Variants in POLR3A observed in about 807,000 individuals in gnomAD.
The protein encoded by POLR3A is RNA polymerase III subunit A.
POLR3A carries 112 observed loss-of-function variants against 152.8 expected under a neutral mutation model. The ratio of observed to expected loss-of-function variants is 0.73; its 90% CI spans 0.63 to 0.86. POLR3A has a LOEUF of 0.86. Ranked by LOEUF, POLR3A falls within the 40% of genes least tolerant of loss-of-function variation. The probability of loss-of-function intolerance (pLI) is 0.00; values close to 1 mark genes in which losing one functional copy is unlikely to be tolerated. For synonymous variants in POLR3A, 615 were observed against 652.1 expected (o/e 0.94, Z 0.87); for missense variants, 1,385 against 1,743.1 (o/e 0.79, Z 3.66).
rs775405769 is a variant in POLR3A at position 78,024,588 on chromosome 10, T to G, written c.606A>C (p.Glu202Asp). The G allele has an allele frequency of 1.2e-6, 2 of 1,614,054 alleles. No homozygotes were observed. The highest frequency in any genetic ancestry group is 1.7e-6 in the Non-Finnish European group (2 of 1,180,008). Residue 202 changes from glutamate (E) to aspartate (D), a missense_variant, in exon 5 of 31, where the codon GAA becomes GAC. By Grantham distance (45) the Glu-to-Asp change is conservative. Around this residue, in one of 7 missense-constraint regions of POLR3A, gnomAD observed 493 missense variants for 647.5 expected, o/e 0.76. Coordinates refer to ENST00000372371, the MANE Select transcript of POLR3A (RefSeq NM_007055.4). ...NFLQSFETAI[E>D]HNKEVEPLLG... ...GCAGAGGCTCCACTTCTTTATTATG[T>G]TCAATGGCTGTTTCAAAAGACTGAA...
In POLR3A at chr10:78,001,061, C is replaced by T; in HGVS notation, c.2393G>A (p.Cys798Tyr). Reference protein sequence around the residue: ...SFINISQMIACVGQQAISGSR... With the variant: ...SFINISQMIAYVGQQAISGSR... ...GCCACTGATGGCCTGCTGTCCCACA[C>T]AGGCAATCATCTGTGATATGTTAAT... Residue 798 changes from cysteine to tyrosine, a missense_variant, in exon 18 of 31, where the codon TGT becomes TAT. Transcript: ENST00000372371. The T allele has an allele frequency of 6.2e-7, 1 of 1,609,516 alleles. No individual in the cohort carries two copies. Among genetic ancestry groups the T allele is most frequent in the South Asian group, 1.1e-5 (1 of 90,956 alleles).
At chr10:78,015,834 T>A (rs1847518414) in intron 10 of POLR3A, among the ~76,000 whole-genome samples, 1 of 152,124 alleles carries the variant, frequency 6.6e-6, no homozygotes, top group Non-Finnish European at 1.5e-5. Context: ...AACCTAATAA[T>A]TATATTTTGT....
Position 78,009,985 on chromosome 10 carries a change from T to C in POLR3A, c.1649A>G (p.Tyr550Cys), listed in dbSNP as rs886047289. The C allele has an allele frequency of 3.7e-6, 6 of 1,614,012 alleles. No homozygotes were observed. In the East Asian group the frequency reaches 6.7e-5, roughly 18 times the overall value. Residue 550 changes from tyrosine (Y) to cysteine (C), a missense_variant, in exon 13 of 31, where the codon TAT becomes TGT. Tyr to Cys is a radical substitution (Grantham distance 194, BLOSUM62 -2). Coordinates refer to ENST00000372371, the MANE Select transcript of POLR3A (RefSeq NM_007055.4). ...AAIQDFLTGAYLLTLKDTFFD... is the reference protein window; with the variant it reads ...AAIQDFLTGACLLTLKDTFFD... ...GAAAGTGTCCTTGAGAGTGAGGAGATAGGCACCTAAGCATTAGGAACCAAC... is the reference window on the plus strand; with the variant it reads ...GAAAGTGTCCTTGAGAGTGAGGAGACAGGCACCTAAGCATTAGGAACCAAC...
At chr10:78,006,805 GAA>G (rs930877807) in intron 15 of POLR3A, among the ~76,000 whole-genome samples, 2 of 152,148 alleles carry the variant, frequency 1.3e-5, no homozygotes, top group African/African-American at 4.8e-5. Context: ...AGAGGATTCT[GAA>G]AGTTTCTAAA....
intron 24 of POLR3A, among the ~76,000 whole-genome samples, chr10:77,984,622 G>A (rs536618653): frequency 3.1e-4 from 47 of 152,340 alleles, no homozygotes; most frequent in African/African-American, 9.9e-4. Flanking sequence ...GATTACAGGC[G>A]TGAGCCATTG....
intron 10 of POLR3A, among the ~76,000 whole-genome samples, chr10:78,014,685 G>C (rs1269150988): frequency 6.6e-6 from 1 of 151,844 alleles, no homozygotes; most frequent in East Asian, 1.9e-4. Context: ...TTACAGGCTT[G>C]AGCCACCGCA....
intron 19 of POLR3A, 96 bp from the exon 20 acceptor site, chr10:77,993,463 G>C: frequency 1.1e-6 from 1 of 901,174 alleles, no homozygotes; most frequent in East Asian, 2.5e-5. Context: ...AAGGTTACAA[G>C]CACTTTAATC....
chr10:78,027,765 G>A (rs1232857626), intron 1 of POLR3A, among the ~76,000 whole-genome samples: 1 of 152,082 alleles, frequency 6.6e-6, no homozygotes, highest in Non-Finnish European at 1.5e-5. Context: ...TACCATATTG[G>A]CCAGTCTGGT....
At chr10:78,013,186 G>A (rs576854700) in intron 11 of POLR3A, 7 of 240,796 alleles carry the variant, frequency 2.9e-5, no homozygotes, top group East Asian at 2.0e-4. Flanking sequence ...CTAAGAAGAC[G>A]AAGTATGTAA....
rs573869627 is a variant in POLR3A, at chr10:77,985,134, G to A, written c.3242+36C>T. ...CATTGTTTCTCAGGAAACAGGACAG[G>A]CATGTGTGGAACAAGAAGGAAATGA... On this transcript the variant is annotated intron_variant, in intron 24 of 30. Transcript: ENST00000372371. 26 of 1,542,280 alleles carry A rather than the reference G, an allele frequency of 1.7e-5. No homozygotes were observed. The South Asian group carries it at 2.8e-4, about 17-fold the overall frequency.
chr10:78,004,509 C>G lies in POLR3A; in HGVS notation c.2247+207G>C, dbSNP rs111514127. On this transcript the variant is annotated intron_variant, in intron 16 of 30. Coordinates refer to ENST00000372371, the MANE Select transcript of POLR3A (RefSeq NM_007055.4). ...AAAGGCCCTACCCTCAGGAAACAAA[C>G]AAGGACACACACAGTGAGCCCAGGG... is the stretch of plus-strand genomic sequence containing the variant. Among the ~76,000 whole-genome samples, 6 of 152,262 alleles carry G rather than the reference C, an allele frequency of 3.9e-5. 1 individual carries two copies. Among genetic ancestry groups the G allele is most frequent in the African/African-American group, 1.4e-4 (6 of 41,540 alleles).
intron 5 of POLR3A, 136 bp from the exon 6 acceptor site, chr10:78,022,520 C>T (rs541010538): frequency 2.4e-5 from 21 of 865,826 alleles, no homozygotes; most frequent in African/African-American, 1.5e-4. Context: ...ATGGATGATA[C>T]GCTATGCTGC....
chr10:78,007,605 G>T, intron 15 of POLR3A, 97 bp downstream of exon 15: 1 of 973,236 alleles, frequency 1.0e-6, no homozygotes, highest in Non-Finnish European at 1.7e-6. Flanking sequence ...TATATGTGTG[G>T]TGGGGATGAA....
Position 78,024,540 on chromosome 10 carries a change from C to G in POLR3A, c.645+9G>C, listed in dbSNP as rs965871868. On this transcript the variant is annotated intron_variant, in intron 5 of 30. Coordinates refer to ENST00000372371, the MANE Select transcript of POLR3A (RefSeq NM_007055.4). Reference sequence around the variant, plus strand: ...CAGGCGGAAGGCAGGCGTGCATTCTCAGGCTCACCTGTGCCCTTCCCAGCA... The same window carrying G: ...CAGGCGGAAGGCAGGCGTGCATTCTGAGGCTCACCTGTGCCCTTCCCAGCA... 4 of 1,612,646 alleles carry G rather than the reference C, an allele frequency of 2.5e-6. No individual in the cohort carries two copies. Among genetic ancestry groups the G allele is most frequent in the Admixed American group, 3.3e-5 (2 of 59,964 alleles).
At chr10:78,025,178 G>A (rs766006262) in intron 3 of POLR3A, 36 bp from the exon 4 acceptor site, 1 of 1,609,594 alleles carries the variant, frequency 6.2e-7, no homozygotes, top group South Asian at 1.1e-5. Context: ...AAAAGCATAA[G>A]TGAGAATGAA....
At chr10:78,021,281 T>A (rs531551198) in intron 8 of POLR3A, among the ~76,000 whole-genome samples, 1 of 152,264 alleles carries the variant, frequency 6.6e-6, no homozygotes, top group African/African-American at 2.4e-5. Flanking sequence ...TGTTATTAAT[T>A]GGAAAAAAAG....
At position 78,007,743 on chromosome 10, in the gene POLR3A, T is replaced by C; in HGVS notation, c.2033A>G (p.Asp678Gly). ...CAGCCTGGCGAGCCGTGACATGGCATCTGCAGCTTCATTCTGTCCCCAGTC... is the reference window on the plus strand; with the variant it reads ...CAGCCTGGCGAGCCGTGACATGGCACCTGCAGCTTCATTCTGTCCCCAGTC... The part of the protein sequence containing the change: ...LRDWGQNEAA[D>G]AMSRLARLAP... Residue 678 changes from aspartate (D) to glycine (G), a missense_variant, in exon 15 of 31, where the codon GAT becomes GGT. Physicochemically the swap from Asp to Gly is moderately conservative, Grantham distance 94 (BLOSUM62 -1). Transcript: ENST00000372371. 6.2e-7 allele frequency: 1 copy of C among 1,614,134 alleles called. No homozygotes were observed. The highest frequency in any genetic ancestry group is 8.5e-7 in the Non-Finnish European group (1 of 1,179,982).
intron 21 of POLR3A, among the ~76,000 whole-genome samples, chr10:77,989,343 C>T (rs1847225961): frequency 6.6e-6 from 1 of 152,160 alleles, no homozygotes; most frequent in South Asian, 2.1e-4. Context: ...TCTGTCACCT[C>T]AGCTCTGATA....
intron 7 of POLR3A, 32 bp downstream of exon 7, chr10:78,021,828 G>A (rs758147113): frequency 6.2e-7 from 1 of 1,612,626 alleles, no homozygotes; most frequent in South Asian, 1.1e-5. Context: ...AAGAGAGTGG[G>A]CTGGCTTCTG....
Sources: gnomAD v4.1 joint callset for allele counts (sites outside exome capture counted in the v4.1 genomes callset) on GRCh38, gnomAD v4.1.1 for gene constraint, gnomAD v4.1.1 regional missense constraint, MANE v1.5 for transcripts, NCBI Gene and HGNC (gene_info 2026-07-23, HGNC 2026-07-21) for gene names.